Variants in CNTN5 observed in about 807,000 individuals in gnomAD.
CNTN5 encodes contactin-5.
CNTN5 carries 77 observed loss-of-function variants against 129.1 expected under a neutral mutation model. The observed-to-expected ratio is 0.60, with a 90% CI of 0.50 to 0.72. The LOEUF is 0.72. Ranked by LOEUF, CNTN5 falls within the 30% of genes least tolerant of loss-of-function variation. The pLI is 0.00. For missense variants in CNTN5, 1,478 were observed against 1,328.8 expected, an observed-to-expected ratio of 1.11 and a Z score of -1.75; for synonymous variants, 509 against 465.6, an observed-to-expected ratio of 1.09 and a Z score of -1.20.
intron 2 of CNTN5, among the ~76,000 whole-genome samples, chr11:99,492,097 G>C (rs999377382): frequency 6.6e-6 from 1 of 152,240 alleles, no homozygotes; most frequent in South Asian, 2.1e-4. Flanking sequence ...GTTGAGGGGA[G>C]CCATCTGTTG....
At chr11:100,331,992 C>T (rs913918236) in intron 21 of CNTN5, among the ~76,000 whole-genome samples, 42 of 151,582 alleles carry the variant, frequency 2.8e-4, no homozygotes, top group African/African-American at 9.9e-4. Flanking sequence ...AAGAGGAGAA[C>T]TAAATAAAAT....
At chr11:99,543,431 A>G (rs867021835) in intron 2 of CNTN5, among the ~76,000 whole-genome samples, 1 of 152,110 alleles carries the variant, frequency 6.6e-6, no homozygotes, top group Non-Finnish European at 1.5e-5. Flanking sequence ...GGCTTTGCTG[A>G]CCATCACATT....
intron 2 of CNTN5, among the ~76,000 whole-genome samples, chr11:99,349,088 G>A (rs532437039): frequency 7.2e-5 from 11 of 152,116 alleles, no homozygotes; most frequent in Non-Finnish European, 1.5e-4. Flanking sequence ...ATAGAGAAAC[G>A]TGAACAAGAA....
chr11:99,892,197 G>T (rs1410943637), intron 6 of CNTN5, among the ~76,000 whole-genome samples: 6 of 151,942 alleles, frequency 3.9e-5, no homozygotes, highest in African/African-American at 1.2e-4. Context: ...TCGTAAATTT[G>T]TTAAGTTCTT....
At chr11:100,088,776 G>C (rs1472611469) in intron 13 of CNTN5, among the ~76,000 whole-genome samples, 1 of 152,026 alleles carries the variant, frequency 6.6e-6, no homozygotes, top group Non-Finnish European at 1.5e-5. Flanking sequence ...CTGAGGACCA[G>C]ATTAGTTCAC....
chr11:99,781,891 GA>G (rs1945324185), intron 3 of CNTN5, among the ~76,000 whole-genome samples: 1 of 152,032 alleles, frequency 6.6e-6, no homozygotes, highest in African/African-American at 2.4e-5. Context: ...GCAAAAACTG[GA>G]AGCATTCTCT....
intron 21 of CNTN5, among the ~76,000 whole-genome samples, chr11:100,335,968 A>G (rs1035788628): frequency 6.6e-6 from 1 of 152,278 alleles, no homozygotes; most frequent in South Asian, 2.1e-4. Flanking sequence ...AAATAATAAA[A>G]ATCAGAAATA....
At chr11:100,270,915 C>G (rs1300806663) in intron 17 of CNTN5, among the ~76,000 whole-genome samples, 177 bp from the exon 18 acceptor site, 1 of 152,204 alleles carries the variant, frequency 6.6e-6, no homozygotes, top group Admixed American at 6.5e-5. Flanking sequence ...TAAGTGCTTA[C>G]TCCCTGAAGA....
chr11:99,104,753 T>A (rs1026583936), intron 1 of CNTN5, among the ~76,000 whole-genome samples: 1 of 151,968 alleles, frequency 6.6e-6, no homozygotes, highest in African/African-American at 2.4e-5. Context: ...TTTTAGAAGA[T>A]CAGGACTGGG....
intron 13 of CNTN5, among the ~76,000 whole-genome samples, chr11:100,149,487 A>AATT (rs1478655528): frequency 6.6e-6 from 1 of 152,232 alleles, no homozygotes; most frequent in East Asian, 1.9e-4. Flanking sequence ...AATGTAAAAA[A>AATT]ATTAAAGGAA....
chr11:99,905,789 A>G (rs1039648791), intron 6 of CNTN5, among the ~76,000 whole-genome samples: 8 of 151,976 alleles, frequency 5.3e-5, no homozygotes, highest in African/African-American at 1.7e-4. Context: ...CGCCTTTTCC[A>G]TTTGTTTGTG....
At chr11:100,010,644 C>A (rs952058418) in intron 9 of CNTN5, among the ~76,000 whole-genome samples, 3 of 151,876 alleles carry the variant, frequency 2.0e-5, no homozygotes, top group African/African-American at 7.3e-5. Context: ...AGAACCCTTG[C>A]CCCAGTACCA....
chr11:99,903,069 C>G (rs1451234428), intron 6 of CNTN5, among the ~76,000 whole-genome samples: 2 of 152,004 alleles, frequency 1.3e-5, no homozygotes, highest in African/African-American at 4.8e-5. Context: ...AAATGCAAAT[C>G]TATGTTACTT....
chr11:99,473,661 G>A (rs1237404936), intron 2 of CNTN5, among the ~76,000 whole-genome samples: 1 of 151,522 alleles, frequency 6.6e-6, no homozygotes, highest in Non-Finnish European at 1.5e-5. Context: ...ACATTTCTCA[G>A]TGAAACCCAC....
intron 6 of CNTN5, among the ~76,000 whole-genome samples, chr11:99,895,354 A>G (rs1158447234): frequency 6.6e-6 from 1 of 152,220 alleles, no homozygotes. Flanking sequence ...CTCATACCCT[A>G]TCTGGTGGCA....
intron 21 of CNTN5, among the ~76,000 whole-genome samples, chr11:100,325,991 C>T (rs891575991): frequency 2.0e-5 from 3 of 152,084 alleles, no homozygotes; most frequent in Non-Finnish European, 2.9e-5. Context: ...ATAGTTCTAA[C>T]CTCAATGAGA....
chr11:100,043,867 T>G (rs993651941), intron 9 of CNTN5, among the ~76,000 whole-genome samples: 3 of 152,156 alleles, frequency 2.0e-5, no homozygotes, highest in Admixed American at 1.3e-4. Context: ...ATAAATTCCT[T>G]GAGTTATTAC....
intron 3 of CNTN5, among the ~76,000 whole-genome samples, chr11:99,692,488 C>G (rs992698974): frequency 2.2e-4 from 33 of 152,058 alleles, no homozygotes; most frequent in Non-Finnish European, 2.8e-4. Context: ...CCTTCACTTA[C>G]AAAGCTTGGT....
chr11:99,892,152 C>T (rs960118164), intron 6 of CNTN5, among the ~76,000 whole-genome samples: 10 of 152,222 alleles, frequency 6.6e-5, no homozygotes, highest in Admixed American at 1.3e-4. Context: ...TCATATCCTT[C>T]GCCCACTTTT....
Sources: allele counts gnomAD v4.1 joint callset (sites outside exome capture counted in the v4.1 genomes callset), GRCh38; gene constraint gnomAD v4.1.1; transcripts MANE v1.5; gene names NCBI Gene and HGNC (gene_info 2026-07-23, HGNC 2026-07-21).